The following DPP6 variants were observed in gnomAD, a reference collection of about 807,000 sequenced individuals.
DPP6 encodes A-type potassium channel modulatory protein DPP6.
A neutral mutation model predicts 122.6 loss-of-function variants in DPP6; 69 were observed. The ratio of observed to expected loss-of-function variants is 0.56; its 90% CI spans 0.46 to 0.69. The LOEUF is 0.69. Among genes scored for constraint, DPP6 ranks in the 30% least tolerant of loss-of-function variants. DPP6 has a pLI of 0.00. For missense variants in DPP6, 928 were observed against 1,116.9 expected (o/e 0.83, Z 2.41); for synonymous variants, 418 against 433.1 (o/e 0.97, Z 0.43).
At chr7:154,030,668 T>G (rs1225618466) in intron 1 of DPP6, among the ~76,000 whole-genome samples, 1 of 152,156 alleles carries the variant, frequency 6.6e-6, no homozygotes, top group Non-Finnish European at 1.5e-5. Context: ...CTTTCCCAGC[T>G]TCCCCATTGG....
At chr7:154,587,976 C>T in intron 5 of DPP6, 1 of 1,612,148 alleles carries the variant, frequency 6.2e-7, no homozygotes, top group Admixed American at 1.7e-5. Flanking sequence ...TCAGGCAGCA[C>T]TGTCCATTGT....
chr7:154,768,047 A>G (rs1796017865), intron 8 of DPP6, among the ~76,000 whole-genome samples: 1 of 152,208 alleles, frequency 6.6e-6, no homozygotes, highest in Non-Finnish European at 1.5e-5. Context: ...TCACACCCTC[A>G]GCCCCACTGC....
chr7:154,816,688 C>T (rs1241555917), intron 16 of DPP6, among the ~76,000 whole-genome samples: 35 of 152,210 alleles, frequency 2.3e-4, no homozygotes, highest in Admixed American at 2.3e-3. Flanking sequence ...GCTACCCACT[C>T]AGTATCCAAA....
intron 16 of DPP6, among the ~76,000 whole-genome samples, chr7:154,815,283 A>G (rs1587229281): frequency 6.6e-6 from 1 of 152,236 alleles, no homozygotes; most frequent in East Asian, 1.9e-4. Context: ...GAGCAGTTCC[A>G]GTATAGATTC....
chr7:154,613,483 G>A (rs1440163738), intron 5 of DPP6, among the ~76,000 whole-genome samples: 1 of 151,812 alleles, frequency 6.6e-6, no homozygotes, highest in Non-Finnish European at 1.5e-5. Context: ...GCCAGGCATG[G>A]TGGTGCATGC....
At chr7:154,806,850 G>A in intron 15 of DPP6, 144 bp from the exon 16 acceptor site, 1 of 1,072,688 alleles carries the variant, frequency 9.3e-7, no homozygotes, top group East Asian at 2.8e-5. Context: ...GGCTCCAGCA[G>A]GGAGACAGAG....
At chr7:154,827,159 T>C (rs941915100) in intron 16 of DPP6, among the ~76,000 whole-genome samples, 1 of 151,010 alleles carries the variant, frequency 6.6e-6, no homozygotes, top group African/African-American at 2.4e-5. Context: ...GTTACGGGCA[T>C]ATGAGATACA....
At chr7:154,688,822 AACACCCACAC>A (rs1839776642) in intron 7 of DPP6, among the ~76,000 whole-genome samples, 1 of 152,166 alleles carries the variant, frequency 6.6e-6, no homozygotes, top group East Asian at 1.9e-4. Context: ...CTCTTTTGGC[AACACCCACAC>A]AGACACACCC....
chr7:154,892,573 G>C lies in DPP6; in HGVS notation c.*93G>C. ...CCTCCCTCTTCCCTCGGAGGGGCGG[G>C]GCGGGGCGGGGCCGGGTGTTCCATA... On this transcript the variant is annotated 3_prime_UTR_variant, in exon 26 of 26. Transcript: ENST00000377770. The C allele has an allele frequency of 6.4e-7, 1 of 1,564,466 alleles. No individual in the cohort carries two copies. Among genetic ancestry groups the C allele is most frequent in the Non-Finnish European group, 8.7e-7 (1 of 1,154,512 alleles).
chr7:154,114,737 G>A (rs546349595), intron 1 of DPP6, among the ~76,000 whole-genome samples: 2 of 152,264 alleles, frequency 1.3e-5, no homozygotes, highest in South Asian at 4.1e-4. Flanking sequence ...TCAGTCAACC[G>A]ATCATAGAGT....
rs28363823 is a variant in DPP6 at position 154,241,793 on chromosome 7, A to G, written c.243+188730A>G. On this transcript the variant is annotated intron_variant, in intron 1 of 25. Transcript: ENST00000377770. This position sits in a 1 kb window ranked among gnomAD's most constrained non-coding sequence, Gnocchi z 9.0. ...GATTGTCTGCCGACCGAAAAAGTTTATGTCAAAACTACAGAAAAGAGCCAT... is the reference window on the plus strand; with the variant it reads ...GATTGTCTGCCGACCGAAAAAGTTTGTGTCAAAACTACAGAAAAGAGCCAT... Among the ~76,000 whole-genome samples, 3,322 of 152,252 alleles carry G rather than the reference A, an allele frequency of 0.022. 117 individuals are homozygous for G. The highest frequency in any genetic ancestry group is 0.076 in the African/African-American group (3,143 of 41,540).
chr7:154,298,125 A>C (rs1222378457), intron 1 of DPP6, among the ~76,000 whole-genome samples: 1 of 152,114 alleles, frequency 6.6e-6, no homozygotes, highest in Non-Finnish European at 1.5e-5. Context: ...CCAGGGAGGA[A>C]AGGATTCTGC....
the DPP6 span, among the ~76,000 whole-genome samples, chr7:153,854,659 C>T: frequency 2.5e-5 from 3 of 119,316 alleles, no homozygotes; most frequent in African/African-American, 9.9e-5. Flanking sequence ...ACTAGTTCAT[C>T]CATTGTGGAA....
intron 10 of DPP6, among the ~76,000 whole-genome samples, chr7:154,782,870 G>A (rs1003839104): frequency 5.3e-5 from 8 of 151,914 alleles, no homozygotes; most frequent in African/African-American, 1.7e-4. Flanking sequence ...TGCAACCTCC[G>A]CCTCCCGGGT....
chr7:154,227,075 G>T lies in DPP6; in HGVS notation c.243+174012G>T, dbSNP rs527688435. 5.3e-5 allele frequency among the ~76,000 whole-genome samples: 8 copies of T among 152,224 alleles called. No individual in the cohort carries two copies. In the East Asian group the frequency reaches 1.5e-3, roughly 29 times the overall value. On this transcript the variant is annotated intron_variant, in intron 1 of 25. Coordinates refer to ENST00000377770, the MANE Select transcript of DPP6 (RefSeq NM_130797.4). Reference sequence around the variant, plus strand: ...TATGTTCCAATAATTCCACTTCTGGGTATTTCTCCAAGAGAAGTGAAATTA... The same window carrying T: ...TATGTTCCAATAATTCCACTTCTGGTTATTTCTCCAAGAGAAGTGAAATTA...
rs1467865041 is a variant in DPP6, at chr7:153,928,395, C to CTTTTTTTT, written c.51+40661_51+40662insTTTTTTTT. Among the ~76,000 whole-genome samples, 31 of 29,954 alleles carry CTTTTTTTT rather than the reference C, an allele frequency of 1.0e-3. 1 individual carries two copies. Among genetic ancestry groups the CTTTTTTTT allele is most frequent in the Admixed American group, 2.7e-3 (6 of 2,262 alleles). 19.7% of individuals were successfully genotyped at this position (29,954 alleles called of 152,430 possible). ...CCTGGCTAATTTTTTTCTTTTCTTT[C>CTTTTTTTT]ATTTTTTTTTTTTTTTTTTTTTTTT... On this transcript the variant is annotated intron_variant, in intron 1 of 25. Transcript: ENST00000404039.
chr7:154,163,511 A>C (rs1346890457), intron 1 of DPP6, among the ~76,000 whole-genome samples: 3 of 152,196 alleles, frequency 2.0e-5, no homozygotes, highest in East Asian at 1.9e-4. Context: ...TCTGTTCTGA[A>C]AAATATTTTT....
chr7:154,431,923 G>A (rs185544837), intron 1 of DPP6, among the ~76,000 whole-genome samples: 7 of 152,066 alleles, frequency 4.6e-5, no homozygotes, highest in Admixed American at 2.0e-4. Context: ...CCAGGACAGC[G>A]CTCAGCTCCT....
intron 1 of DPP6, among the ~76,000 whole-genome samples, chr7:153,958,575 T>C (rs1795188665): frequency 6.6e-6 from 1 of 152,142 alleles, no homozygotes; most frequent in African/African-American, 2.4e-5. Flanking sequence ...GGGTTTTGCA[T>C]ATACTGGGTA....
Sources: gnomAD v4.1 joint callset for allele counts (sites outside exome capture counted in the v4.1 genomes callset) on GRCh38, gnomAD v4.1.1 for gene constraint, Gnocchi (gnomAD v3.1) non-coding constraint, MANE v1.5 for transcripts, NCBI Gene and HGNC (gene_info 2026-07-23, HGNC 2026-07-21) for gene names.